Variants in KIZ observed in about 807,000 individuals in gnomAD.
The protein encoded by KIZ is centrosomal protein kizuna.
In KIZ, 68 loss-of-function variants were observed where a neutral mutation model predicts 79.6. The observed-to-expected ratio is 0.85, with a 90% CI of 0.70 to 1.05. The LOEUF (loss-of-function observed/expected upper bound fraction) is 1.05. Ranked by LOEUF, KIZ falls within the 50% of genes least tolerant of loss-of-function variation. The pLI is 0.00. For synonymous variants in KIZ, 280 were observed against 281.8 expected, an observed-to-expected ratio of 0.99 and a Z score of 0.06; for missense variants, 797 against 800.4, an observed-to-expected ratio of 1.00 and a Z score of 0.05.
At chr20:21,217,365 G>A (rs191236554) in intron 9 of KIZ, among the ~76,000 whole-genome samples, 1 of 152,262 alleles carries the variant, frequency 6.6e-6, no homozygotes, top group East Asian at 1.9e-4. Context: ...TGTGACTTTG[G>A]CATAACTATT....
chr20:21,239,483 G>A (rs1277824685), intron 11 of KIZ, among the ~76,000 whole-genome samples: 2 of 152,228 alleles, frequency 1.3e-5, no homozygotes, highest in African/African-American at 2.4e-5. Flanking sequence ...CCACTGCACA[G>A]TGAAGGCTCT....
chr20:21,195,337 A>T (rs1334286067), intron 6 of KIZ: 1 of 152,270 alleles, frequency 6.6e-6, no homozygotes, highest in East Asian at 1.9e-4. Flanking sequence ...AAGTAGGTGC[A>T]TTCTATGGAA....
chr20:21,199,568 G>A (rs1044788547), intron 6 of KIZ, among the ~76,000 whole-genome samples: 3 of 152,186 alleles, frequency 2.0e-5, no homozygotes, highest in Non-Finnish European at 4.4e-5. Flanking sequence ...ACAGCAGTCA[G>A]GTCTTTAAAC....
At chr20:21,224,225 C>G (rs538150625) in intron 9 of KIZ, among the ~76,000 whole-genome samples, 1 of 152,182 alleles carries the variant, frequency 6.6e-6, no homozygotes, top group Non-Finnish European at 1.5e-5. Context: ...GTGATCTGCC[C>G]GCCTCAGCCT....
At chr20:21,225,167 C>T (rs2036619571) in intron 9 of KIZ, among the ~76,000 whole-genome samples, 2 of 145,944 alleles carry the variant, frequency 1.4e-5, no homozygotes, top group African/African-American at 5.6e-5. Context: ...AGATGGCCCC[C>T]CTTGCCTTGC....
intron 2 of KIZ, 74 bp downstream of exon 2, chr20:21,132,233 G>A: frequency 1.4e-6 from 1 of 737,264 alleles, no homozygotes; most frequent in South Asian, 1.8e-5. Context: ...CTAATGTTAT[G>A]TCATAAATAT....
intron 6 of KIZ, among the ~76,000 whole-genome samples, chr20:21,168,343 C>T (rs1344377612): frequency 6.6e-6 from 1 of 152,090 alleles, no homozygotes; most frequent in African/African-American, 2.4e-5. Flanking sequence ...GGGTTGGTTC[C>T]AAGTTACATT....
chr20:21,148,942 G>A (rs2032981215), intron 4 of KIZ: 1 of 152,124 alleles, frequency 6.6e-6, no homozygotes, highest in African/African-American at 2.4e-5. Flanking sequence ...TGGTTATAAA[G>A]GTGTTATTCC....
intron 3 of KIZ, chr20:21,139,077 T>A (rs2032369195): frequency 1.9e-5 from 2 of 106,248 alleles, no homozygotes; most frequent in South Asian, 5.0e-4. Flanking sequence ...CCGTAGGACC[T>A]TTTTTTTTTT....
chr20:21,176,603 G>A (rs2034447240), intron 6 of KIZ, among the ~76,000 whole-genome samples: 1 of 150,560 alleles, frequency 6.6e-6, no homozygotes, highest in Non-Finnish European at 1.5e-5. Flanking sequence ...TGAATAGACA[G>A]AGCAAGCATC....
intron 1 of KIZ, among the ~76,000 whole-genome samples, chr20:21,127,631 T>TGC (rs2031565834): frequency 6.6e-6 from 1 of 152,258 alleles, no homozygotes; most frequent in East Asian, 1.9e-4. Context: ...ACAAATCTGT[T>TGC]GCTGTGTGTG....
intron 6 of KIZ, among the ~76,000 whole-genome samples, chr20:21,180,919 T>C (rs1053203431): frequency 6.6e-6 from 1 of 152,210 alleles, no homozygotes; most frequent in African/African-American, 2.4e-5. Flanking sequence ...AGACAAGCCC[T>C]ACCCATGTCC....
At chr20:21,135,043 G>T (rs917625979) in intron 2 of KIZ, among the ~76,000 whole-genome samples, 6 of 152,140 alleles carry the variant, frequency 3.9e-5, no homozygotes, top group Non-Finnish European at 7.3e-5. Context: ...CAGGTTGCCC[G>T]GTGTGTAGAA....
chr20:21,228,453 C>G (rs959601772), intron 9 of KIZ, among the ~76,000 whole-genome samples: 5 of 152,156 alleles, frequency 3.3e-5, no homozygotes, highest in Non-Finnish European at 5.9e-5. Flanking sequence ...CCTGTGGACA[C>G]CTGGCTTTGC....
intron 9 of KIZ, among the ~76,000 whole-genome samples, chr20:21,227,061 T>C (rs556144299): frequency 6.6e-6 from 1 of 152,274 alleles, no homozygotes; most frequent in South Asian, 2.1e-4. Context: ...TTCCAGAGTA[T>C]CAAAATGGTC....
At chr20:21,158,508 T>A (rs1375536148) in intron 4 of KIZ, 1 of 152,248 alleles carries the variant, frequency 6.6e-6, no homozygotes, top group Non-Finnish European at 1.5e-5. Context: ...GCAGACTGTT[T>A]ACATAAATTA....
chr20:21,136,027 A>G (rs939097949), intron 2 of KIZ, among the ~76,000 whole-genome samples: 2 of 152,074 alleles, frequency 1.3e-5, no homozygotes, highest in East Asian at 1.9e-4. Flanking sequence ...TGAAATTGTC[A>G]TATGTAAGAA....
intron 9 of KIZ, among the ~76,000 whole-genome samples, chr20:21,220,462 T>C (rs576335705): frequency 8.7e-4 from 133 of 152,148 alleles, no homozygotes; most frequent in African/African-American, 3.1e-3. Flanking sequence ...CCTGCCTCTT[T>C]TATTTATTTT....
chr20:21,134,388 T>A (rs1433001245), intron 2 of KIZ, among the ~76,000 whole-genome samples: 1 of 152,076 alleles, frequency 6.6e-6, no homozygotes, highest in African/African-American at 2.4e-5. Flanking sequence ...CCGGTGACCT[T>A]GGGGCAATTA....
Sources: allele counts gnomAD v4.1 joint callset (sites outside exome capture counted in the v4.1 genomes callset), GRCh38; gene constraint gnomAD v4.1.1; transcripts MANE v1.5; gene names NCBI Gene and HGNC (gene_info 2026-07-23, HGNC 2026-07-21).